Variants in ISLR2 observed in about 807,000 individuals in gnomAD.
ISLR2 encodes the protein immunoglobulin superfamily containing leucine-rich repeat protein 2.
In ISLR2, 16 loss-of-function variants were observed where a neutral mutation model predicts 25.5. The observed-to-expected ratio is 0.63, with a 90% CI of 0.43 to 0.95. The LOEUF is 0.95. Among genes scored for constraint, ISLR2 ranks in the 40% least tolerant of loss-of-function variants. The pLI, the probability that ISLR2 is intolerant of heterozygous loss-of-function variation, is 0.00. For synonymous variants in ISLR2, 508 were observed against 486.6 expected (o/e 1.04, Z -0.58); for missense variants, 883 against 1,030.7 (o/e 0.86, Z 1.96).
At chr15:74,128,345 C>A (rs2072328311), upstream of ISLR2, 4 of 421,476 alleles carry the variant, frequency 9.5e-6, no homozygotes, top group Non-Finnish European at 1.8e-5. Flanking sequence ...CCTCCGGGAA[C>A]AAAAGCATTT....
intron 2 of ISLR2, among the ~76,000 whole-genome samples, chr15:74,109,492 CTG>C (rs1302981504): frequency 1.3e-5 from 2 of 152,264 alleles, no homozygotes; most frequent in Non-Finnish European, 2.9e-5. Flanking sequence ...GTCACAGCCT[CTG>C]TGAGTGGGGC....
chr15:74,125,169 T>C (rs1170125423), upstream of ISLR2, among the ~76,000 whole-genome samples: 1 of 152,122 alleles, frequency 6.6e-6, no homozygotes, highest in Non-Finnish European at 1.5e-5. Context: ...TGGGGTGGGA[T>C]TGCCAAGCAT....
At position 74,100,823 on chromosome 15, in the gene ISLR2, C is replaced by T. The variant is rs547017055; in HGVS notation, n.159+354C>T. Among the ~76,000 whole-genome samples the T allele has an allele frequency of 9.3e-5, 14 of 150,770 alleles. 1 individual carries two copies. The highest frequency in any genetic ancestry group is 1.3e-4 in the Non-Finnish European group (9 of 67,998). ...AAAGGGCTGTCATAATTAACATGCTCAGGAAAAACTCCCCACAGCTTCAAC... is the reference window on the plus strand; with the variant it reads ...AAAGGGCTGTCATAATTAACATGCTTAGGAAAAACTCCCCACAGCTTCAAC... On this transcript the variant is annotated intron_variant and non_coding_transcript_variant, in intron 1 of 3. Coordinates refer to the ISLR2 transcript ENST00000561975.
chr15:74,128,552 G>T (rs1410630804), upstream of ISLR2: 1 of 456,658 alleles, frequency 2.2e-6, no homozygotes, highest in East Asian at 7.0e-5. Context: ...TATAGGACGG[G>T]TTCCTGCAGT....
upstream of ISLR2, among the ~76,000 whole-genome samples, chr15:74,124,258 A>AT (rs1211909212): frequency 1.3e-5 from 2 of 151,574 alleles, no homozygotes; most frequent in African/African-American, 4.9e-5. Flanking sequence ...TTTAAAAGGG[A>AT]TTTCTTGCTT....
downstream of ISLR2, among the ~76,000 whole-genome samples, chr15:74,138,703 T>C (rs1223184270): frequency 6.6e-6 from 1 of 151,982 alleles, no homozygotes; most frequent in Non-Finnish European, 1.5e-5. Context: ...TCAAGAAAAA[T>C]TCCCTTCTGA....
In ISLR2 at chr15:74,133,732, C is replaced by T. The variant is rs2072487949; in HGVS notation, c.978C>T (p.Pro326=). 6.2e-7 allele frequency: 1 copy of T among 1,611,250 alleles called. No individual in the cohort carries two copies. The highest frequency in any genetic ancestry group is 1.3e-5 in the African/African-American group (1 of 74,920). Reference sequence around the variant, plus strand: ...CTCCAGCACCCGCTTGGCCGGCGCCCCCAGCCACACCGCGCTTCCTGGCCC... The same window carrying T: ...CTCCAGCACCCGCTTGGCCGGCGCCTCCAGCCACACCGCGCTTCCTGGCCC... ...TPTPAPAWPA[P]PATPRFLALA... is the part of the protein sequence containing the mutation. Residue 326 remains proline, a synonymous_variant, in exon 3 of 3, where the codon CCC becomes CCT. Transcript: ENST00000453268.
chr15:74,128,689 C>G (rs554960511), upstream of ISLR2: 1 of 455,810 alleles, frequency 2.2e-6, no homozygotes, highest in South Asian at 1.5e-5. Context: ...TGAGCCTCCC[C>G]GCCTGGCGCC....
At chr15:74,123,281 C>T (rs2072267555), upstream of ISLR2, among the ~76,000 whole-genome samples, 1 of 151,896 alleles carries the variant, frequency 6.6e-6, no homozygotes, top group Non-Finnish European at 1.5e-5. Flanking sequence ...ACAGAAATTG[C>T]CAAGGGCCAT....
rs368814186 is a variant in ISLR2, at chr15:74,133,188, C to G, written c.434C>G (p.Ala145Gly). 1.2e-6 allele frequency: 2 copies of G among 1,612,994 alleles called. No individual in the cohort carries two copies. The highest frequency in any genetic ancestry group is 2.2e-5 in the East Asian group (1 of 44,896). ...LGSLPRDALG[A>G]LPDLRSLRIN... ...TCTCTGCCCCGGGACGCACTCGGTGCGCTACCCGACCTGCGTTCCCTGCGC... is the reference window on the plus strand; with the variant it reads ...TCTCTGCCCCGGGACGCACTCGGTGGGCTACCCGACCTGCGTTCCCTGCGC... Residue 145 changes from alanine (A) to glycine (G), a missense_variant, in exon 3 of 3, where the codon GCG (alanine) becomes GGG (glycine). This residue lies in a region of ISLR2 where 271 missense variants were observed against 387.9 expected (regional missense o/e 0.70). Coordinates refer to ENST00000453268, the MANE Select transcript of ISLR2 (RefSeq NM_020851.3).
At chr15:74,112,017 G>A (rs1052898093) in intron 2 of ISLR2, among the ~76,000 whole-genome samples, 1 of 152,208 alleles carries the variant, frequency 6.6e-6, no homozygotes, top group Non-Finnish European at 1.5e-5. Flanking sequence ...ACTGAGTGAA[G>A]AGTACATGAA....
At chr15:74,119,082 T>G (rs2072232888) in intron 2 of ISLR2, among the ~76,000 whole-genome samples, 1 of 152,200 alleles carries the variant, frequency 6.6e-6, no homozygotes, top group African/African-American at 2.4e-5. Flanking sequence ...CTCAAGCATT[T>G]ATCATTTCTT....
At chr15:74,140,549 G>C (rs2141970878), downstream of ISLR2, among the ~76,000 whole-genome samples, 1 of 152,332 alleles carries the variant, frequency 6.6e-6, no homozygotes. Context: ...TAAGCACAGA[G>C]CAAGGGAAAC....
upstream of ISLR2, chr15:74,130,338 GGGA>G (rs1200129542): frequency 1.3e-5 from 2 of 152,208 alleles, no homozygotes; most frequent in East Asian, 3.9e-4. Context: ...CGTGGCTTCG[GGGA>G]GGAGGCGGCT....
intron 2 of ISLR2, among the ~76,000 whole-genome samples, chr15:74,107,065 G>C (rs2072126541): frequency 6.6e-6 from 1 of 151,316 alleles, no homozygotes; most frequent in Non-Finnish European, 1.5e-5. Context: ...AGGGACTGGG[G>C]GGAGCAAGCA....
intron 1 of ISLR2, among the ~76,000 whole-genome samples, chr15:74,101,103 A>ATG (rs1194951083): frequency 2.9e-4 from 12 of 41,812 alleles, no homozygotes; most frequent in Non-Finnish European, 5.3e-5. Flanking sequence ...TACTGGTTCC[A>ATG]GGACCCCAGA....
chr15:74,106,840 G>T (rs541681785), intron 2 of ISLR2, among the ~76,000 whole-genome samples: 1 of 152,242 alleles, frequency 6.6e-6, no homozygotes, highest in East Asian at 1.9e-4. Context: ...TACAGCAGCT[G>T]CAGATTTCTG....
intron 2 of ISLR2, among the ~76,000 whole-genome samples, chr15:74,119,241 T>A (rs906053515): frequency 6.6e-6 from 1 of 151,950 alleles, no homozygotes; most frequent in African/African-American, 2.4e-5. Flanking sequence ...GACAGGGTCT[T>A]ACTCTGTCCC....
intron 2 of ISLR2, among the ~76,000 whole-genome samples, chr15:74,116,822 A>G (rs902399636): frequency 6.6e-6 from 1 of 152,186 alleles, no homozygotes; most frequent in African/African-American, 2.4e-5. Flanking sequence ...TCCACCTGGA[A>G]TACTGCATTG....
Sources: gnomAD v4.1 joint callset for allele counts (sites outside exome capture counted in the v4.1 genomes callset) on GRCh38, gnomAD v4.1.1 for gene constraint, gnomAD v4.1.1 regional missense constraint, MANE v1.5 for transcripts, NCBI Gene and HGNC (gene_info 2026-07-23, HGNC 2026-07-21) for gene names.